The following DNAH7 variants were observed in gnomAD, a reference collection of about 807,000 sequenced individuals.
The protein encoded by DNAH7 is dynein axonemal heavy chain 7, also known as axonemal beta dynein heavy chain 7.
In DNAH7, 397 loss-of-function variants were observed where a neutral mutation model predicts 444.6. That is an observed-to-expected ratio of 0.89 (90% CI 0.82 to 0.97). The LOEUF is 0.97. DNAH7 is among the 50% of genes least tolerant of loss of function. The probability of loss-of-function intolerance (pLI) is 0.00; values close to 1 mark genes in which losing one functional copy is unlikely to be tolerated. For synonymous variants in DNAH7, 1,636 were observed against 1,624.4 expected, an observed-to-expected ratio of 1.01 and a Z score of -0.17; for missense variants, 4,902 against 4,800.8, an observed-to-expected ratio of 1.02 and a Z score of -0.62.
Position 195,879,445 on chromosome 2 carries a change from G to C in DNAH7, c.5961+2350C>G, listed in dbSNP as rs558322288. 1.8e-4 allele frequency among the ~76,000 whole-genome samples: 27 copies of C among 152,202 alleles called. No homozygotes were observed. The South Asian group carries it at 5.0e-3, about 28-fold the overall frequency. On this transcript the variant is annotated intron_variant, in intron 36 of 64. Coordinates refer to ENST00000312428, the MANE Select transcript of DNAH7 (RefSeq NM_018897.3). ...GTTGCCCTAATTCCAGGAGTTTATAGGTGATTTAAAAAATTCTAAATGGCA... is the reference window on the plus strand; with the variant it reads ...GTTGCCCTAATTCCAGGAGTTTATACGTGATTTAAAAAATTCTAAATGGCA...
chr2:195,739,867 C>T (rs1013367716), intron 64 of DNAH7, among the ~76,000 whole-genome samples: 3 of 152,316 alleles, frequency 2.0e-5, no homozygotes, highest in African/African-American at 4.8e-5. Flanking sequence ...ACCTCATAAC[C>T]GTAAACAAGT....
At position 195,895,361 on chromosome 2, in the gene DNAH7, C is replaced by G. The variant is rs943000508; in HGVS notation, c.4648-137G>C. 438 of 544,924 alleles carry G rather than the reference C, an allele frequency of 8.0e-4. 2 individuals carry two copies. Among genetic ancestry groups the G allele is most frequent in the Admixed American group, 1.3e-3 (34 of 26,474 alleles). The allele number at this position is 544,924 out of a possible 1,614,324, so 33.8% of individuals were successfully genotyped here. ...AACAGCTTTATAGAGGAATAGTTCA[C>G]ATACGCAAACGTGTATTTTTTTCTT... On this transcript the variant is annotated intron_variant, in intron 29 of 64. Transcript: ENST00000312428.
At chr2:195,970,349 T>C (rs982733937) in intron 16 of DNAH7, among the ~76,000 whole-genome samples, 1 of 152,188 alleles carries the variant, frequency 6.6e-6, no homozygotes, top group African/African-American at 2.4e-5. Context: ...TTCTAGCTAA[T>C]AAAATTAATA....
chr2:195,886,089 G>A (rs1701691043), intron 34 of DNAH7, 52 bp downstream of exon 34: 2 of 1,551,812 alleles, frequency 1.3e-6, no homozygotes, highest in Admixed American at 4.0e-5. Flanking sequence ...TTTGGGGAAA[G>A]CAGTAGATAC....
At chr2:195,758,219 T>C (rs546071218) in intron 61 of DNAH7, among the ~76,000 whole-genome samples, 60 of 152,354 alleles carry the variant, frequency 3.9e-4, no homozygotes, top group African/African-American at 1.3e-3. Flanking sequence ...GGTATTCTTA[T>C]TGTGTTCATT....
At chr2:196,045,422 C>A (rs1471851110) in intron 5 of DNAH7, among the ~76,000 whole-genome samples, 2 of 151,784 alleles carry the variant, frequency 1.3e-5, no homozygotes, top group African/African-American at 4.8e-5. Context: ...TACTAAGAGA[C>A]AAACTTCAGC....
intron 36 of DNAH7, among the ~76,000 whole-genome samples, chr2:195,881,453 C>G (rs1387081072): frequency 6.6e-6 from 1 of 152,092 alleles, no homozygotes; most frequent in Admixed American, 6.6e-5. Context: ...TATAAAATAA[C>G]TTAGAAAATA....
At chr2:195,961,232 A>G (rs541095515) in intron 17 of DNAH7, among the ~76,000 whole-genome samples, 2 of 152,252 alleles carry the variant, frequency 1.3e-5, no homozygotes, top group Non-Finnish European at 2.9e-5. Flanking sequence ...TCACACACTG[A>G]TTTTTTTGTA....
chr2:195,984,655 T>C lies in DNAH7; in HGVS notation c.1810A>G (p.Thr604Ala), dbSNP rs747292882. Reference sequence around the variant, plus strand: ...ACCTTCATTTCCATTAGTTCTGCTGTATTTGGAGGAGTGCTAAGAGCTTTT... The same window carrying C: ...ACCTTCATTTCCATTAGTTCTGCTGCATTTGGAGGAGTGCTAAGAGCTTTT... ...AEKALSTPPN[T>A]AELMEMKAYI... The change falls in exon 15 of 65, where the codon ACA becomes GCA. Residue 604 changes from threonine (T) to alanine (A), a missense_variant. Transcript: ENST00000312428. 13 of 1,614,016 alleles carry C rather than the reference T, an allele frequency of 8.1e-6. No homozygotes were observed. In the Admixed American group the frequency reaches 2.2e-4, roughly 27 times the overall value.
intron 36 of DNAH7, among the ~76,000 whole-genome samples, chr2:195,878,504 G>C (rs1424695079): frequency 6.6e-6 from 1 of 152,116 alleles, no homozygotes; most frequent in African/African-American, 2.4e-5. Flanking sequence ...GGAGGCTGAA[G>C]TGGGGGGATC....
chr2:196,044,885 G>C (rs1276510783), intron 5 of DNAH7, among the ~76,000 whole-genome samples: 1 of 151,882 alleles, frequency 6.6e-6, no homozygotes, highest in East Asian at 1.9e-4. Context: ...TGGGCAACAT[G>C]GTGCAACCCC....
intron 14 of DNAH7, among the ~76,000 whole-genome samples, chr2:195,986,523 T>A (rs1692920550): frequency 6.6e-6 from 1 of 152,206 alleles, no homozygotes; most frequent in African/African-American, 2.4e-5. Context: ...GAAGACTAGT[T>A]CTTCTTGTCT....
At chr2:196,025,753 G>T (rs1273715309) in intron 7 of DNAH7, among the ~76,000 whole-genome samples, 4 of 152,058 alleles carry the variant, frequency 2.6e-5, no homozygotes, top group African/African-American at 9.7e-5. Context: ...GAACTCTGAG[G>T]GCAGGGATTA....
At chr2:195,764,407 A>G (rs1482519465) in intron 61 of DNAH7, among the ~76,000 whole-genome samples, 1 of 152,178 alleles carries the variant, frequency 6.6e-6, no homozygotes, top group African/African-American at 2.4e-5. Flanking sequence ...GACAAGAGAA[A>G]GAAATAAAGC....
Position 195,777,888 on chromosome 2 carries a change from A to T in DNAH7, c.10976T>A (p.Leu3659Gln), listed in dbSNP as rs1406736219. ...DWDRRTLRSILNKFFNPELVE... is the reference protein window; with the variant it reads ...DWDRRTLRSIQNKFFNPELVE... ...TAATTCGGGATTGAAGAATTTGTTT[A>T]GAATGCTGCGCAGCGTGCGCCGGTC... Residue 3659 changes from leucine to glutamine, a missense_variant, in exon 59 of 65, where the codon CTA (leucine) becomes CAA (glutamine). Physicochemically the swap from Leu to Gln is moderately radical, Grantham distance 113 (BLOSUM62 -2). Coordinates refer to ENST00000312428, the MANE Select transcript of DNAH7 (RefSeq NM_018897.3). 6.2e-7 allele frequency: 1 copy of T among 1,614,232 alleles called. No individual in the cohort carries two copies. Among genetic ancestry groups the T allele is most frequent in the African/African-American group, 1.3e-5 (1 of 75,074 alleles).
Position 195,934,693 on chromosome 2 carries a change from C to A in DNAH7, c.3369G>T (p.Glu1123Asp), listed in dbSNP as rs753244478. ...DITHMKSSEG[E>D]VVELIEIIST... ...AAATAATCTCTATGAGTTCTACAAC[C>A]TCTCCTTCGCTGCTCTTCATGTGAG... Residue 1123 changes from glutamate (E) to aspartate (D), a missense_variant, in exon 21 of 65, where the codon GAG becomes GAT. Physicochemically the swap from Glu to Asp is conservative, Grantham distance 45. Coordinates refer to ENST00000312428, the MANE Select transcript of DNAH7 (RefSeq NM_018897.3). 6.2e-7 allele frequency: 1 copy of A among 1,614,102 alleles called. No homozygotes were observed.
intron 15 of DNAH7, among the ~76,000 whole-genome samples, chr2:195,976,778 A>AGAGAGAGAGAGC (rs1206358544): frequency 6.6e-6 from 1 of 151,246 alleles, no homozygotes; most frequent in South Asian, 2.1e-4. Context: ...AGAGAGAGAG[A>AGAGAGAGAGAGC]GAGAGAGAGA....
At chr2:196,042,536 G>GTA (rs1696834099) in intron 5 of DNAH7, among the ~76,000 whole-genome samples, 1 of 151,790 alleles carries the variant, frequency 6.6e-6, no homozygotes, top group Admixed American at 6.6e-5. Flanking sequence ...ATAAAAAAAG[G>GTA]GCCAAATATT....
intron 10 of DNAH7, among the ~76,000 whole-genome samples, chr2:196,005,472 T>C (rs1026825775): frequency 6.6e-6 from 1 of 151,774 alleles, no homozygotes; most frequent in Non-Finnish European, 1.5e-5. Flanking sequence ...ATAGTTAAAC[T>C]GACCAAGAAA....
Sources: gnomAD v4.1 joint callset for allele counts (sites outside exome capture counted in the v4.1 genomes callset) on GRCh38, gnomAD v4.1.1 for gene constraint, MANE v1.5 for transcripts, NCBI Gene and HGNC (gene_info 2026-07-23, HGNC 2026-07-21) for gene names.